The following MARCHF10 variants were observed in gnomAD, a reference collection of about 807,000 sequenced individuals.
MARCHF10 encodes membrane associated ring-CH-type finger 10.
A neutral mutation model predicts 76.2 loss-of-function variants in MARCHF10; 64 were observed. That is an observed-to-expected ratio of 0.84 (90% CI 0.69 to 1.03). The LOEUF (loss-of-function observed/expected upper bound fraction) is 1.03, where lower values mean the gene tolerates loss of function less well. Among genes scored for constraint, MARCHF10 ranks in the 50% least tolerant of loss-of-function variants. The probability of loss-of-function intolerance (pLI) is 0.00; values close to 1 mark genes in which losing one functional copy is unlikely to be tolerated. For missense variants in MARCHF10, 875 were observed against 958.0 expected, an observed-to-expected ratio of 0.91 and a Z score of 1.14; for synonymous variants, 340 against 357.5, an observed-to-expected ratio of 0.95 and a Z score of 0.55.
chr17:62,708,911 C>G (rs990102959), intron 9 of MARCHF10, among the ~76,000 whole-genome samples: 2 of 152,206 alleles, frequency 1.3e-5, no homozygotes, highest in African/African-American at 4.8e-5. Flanking sequence ...GCAGGAAACC[C>G]CAGGAAGCCC....
chr17:62,722,952 CTTT>C (rs533155265), intron 7 of MARCHF10, among the ~76,000 whole-genome samples: 1 of 143,262 alleles, frequency 7.0e-6, no homozygotes, highest in Non-Finnish European at 1.5e-5. Flanking sequence ...GACTATTCAG[CTTT>C]TTTTTTTTTT....
intron 3 of MARCHF10, among the ~76,000 whole-genome samples, chr17:62,775,815 A>ATTAT (rs60005982): frequency 0.49 from 74,397 of 150,620 alleles, 19,882 homozygotes; most frequent in East Asian, 0.7. Context: ...CGTCTTTTCA[A>ATTAT]TTATTTATTT....
In MARCHF10 at chr17:62,736,026, A is replaced by G. The variant is rs762727071; in HGVS notation, c.1842T>C (p.Asp614=). 2 of 1,614,080 alleles carry G rather than the reference A, an allele frequency of 1.2e-6. No individual in the cohort carries two copies. The highest frequency in any genetic ancestry group is 2.2e-5 in the South Asian group (2 of 91,080). The change falls in exon 6 of 11, where the codon GAT becomes GAC. Residue 614 remains aspartate, a synonymous_variant. Coordinates refer to ENST00000311269, the MANE Select transcript of MARCHF10 (RefSeq NM_152598.4). ...FAVSHFPNQN[D]NGSRMAASGF... ...CAGAGGCTGCCATCCTGCTCCCATTATCATTTTGATTTGGGAAATGAGACA... is the reference window on the plus strand; with the variant it reads ...CAGAGGCTGCCATCCTGCTCCCATTGTCATTTTGATTTGGGAAATGAGACA...
intron 5 of MARCHF10, among the ~76,000 whole-genome samples, chr17:62,739,776 T>C (rs73992043): frequency 0.016 from 2,429 of 152,244 alleles, 55 homozygotes; most frequent in African/African-American, 0.054. Flanking sequence ...TGAACGCACA[T>C]GACCCATCCC....
In MARCHF10 at chr17:62,756,056, C is replaced by T. The variant is rs531199534; in HGVS notation, c.382+3779G>A. On this transcript the variant is annotated intron_variant, in intron 4 of 10. Transcript: ENST00000311269. ...CTGAGGTCGGGAGTTCAAGACCAGC[C>T]TGACCAACATGGAGAAACCCTGTCT... is the stretch of plus-strand genomic sequence containing the variant. Among the ~76,000 whole-genome samples, 6 of 152,308 alleles carry T rather than the reference C, an allele frequency of 3.9e-5. No individual in the cohort carries two copies. In the South Asian group the frequency reaches 1.2e-3, roughly 32 times the overall value.
At chr17:62,722,439 C>G in intron 8 of MARCHF10, 49 bp downstream of exon 8, 1 of 1,319,554 alleles carries the variant, frequency 7.6e-7, no homozygotes, top group Non-Finnish European at 1.1e-6. Context: ...CTCGCCCTGC[C>G]CCTCTAACAT....
chr17:62,805,847 G>A (rs540668224), intron 1 of MARCHF10, among the ~76,000 whole-genome samples: 2 of 151,718 alleles, frequency 1.3e-5, no homozygotes, highest in Non-Finnish European at 2.9e-5. Context: ...GGAAGGCGGA[G>A]GTTGCAGTGA....
At chr17:62,726,531 A>T (rs537473761) in intron 6 of MARCHF10, among the ~76,000 whole-genome samples, 106 of 152,374 alleles carry the variant, frequency 7.0e-4, no homozygotes, top group Middle Eastern at 6.8e-3. Context: ...CAGGAAGAAC[A>T]TGTGTACATG....
chr17:62,736,586 C>T lies in MARCHF10; in HGVS notation c.1282G>A (p.Glu428Lys). ...GAATCATGGGTGCCAGGCCTATGTT[C>T]CACAGAAATACAATCACTCCATACA... Reference protein sequence around the residue: ...ENVWSDCISVEHRPGTHDSEG... With the variant: ...ENVWSDCISVKHRPGTHDSEG... Residue 428 changes from glutamate to lysine, a missense_variant, in exon 6 of 11, where the codon GAA (glutamate) becomes AAA (lysine). Coordinates refer to ENST00000311269, the MANE Select transcript of MARCHF10 (RefSeq NM_152598.4). The T allele has an allele frequency of 6.2e-7, 1 of 1,614,184 alleles. No individual in the cohort carries two copies.
At chr17:62,775,978 T>C (rs2092548209) in intron 3 of MARCHF10, among the ~76,000 whole-genome samples, 1 of 151,912 alleles carries the variant, frequency 6.6e-6, no homozygotes, top group African/African-American at 2.4e-5. Context: ...TTAAATCTTT[T>C]GTAATGATGA....
At chr17:62,775,517 C>T (rs1469168275) in intron 3 of MARCHF10, among the ~76,000 whole-genome samples, 2 of 145,264 alleles carry the variant, frequency 1.4e-5, no homozygotes, top group East Asian at 2.0e-4. Context: ...CGGGGGGGGG[C>T]GTGGCTTATT....
intron 5 of MARCHF10, among the ~76,000 whole-genome samples, chr17:62,740,077 T>TGC (rs1340811437): frequency 4.4e-4 from 39 of 88,464 alleles, no homozygotes; most frequent in African/African-American, 1.3e-3. Context: ...TGTGTGTGTG[T>TGC]GTGTGCGTGT....
chr17:62,801,577 G>T, intron 2 of MARCHF10, 69 bp downstream of exon 2: 2 of 1,308,966 alleles, frequency 1.5e-6, no homozygotes, highest in Non-Finnish European at 2.2e-6. Context: ...ATACGTTGAT[G>T]CTGTATTCTG....
intron 8 of MARCHF10, among the ~76,000 whole-genome samples, chr17:62,721,787 T>C (rs114971177): frequency 0.014 from 2,170 of 152,266 alleles, 69 homozygotes; most frequent in African/African-American, 0.05. Flanking sequence ...TTCCTTCTTA[T>C]CCCAGGGTTA....
chr17:62,751,154 ACCT>A (rs2091886315), intron 4 of MARCHF10, among the ~76,000 whole-genome samples: 1 of 152,210 alleles, frequency 6.6e-6, no homozygotes, highest in Non-Finnish European at 1.5e-5. Context: ...CAAACTGCTA[ACCT>A]CGCTGGAGGC....
At chr17:62,725,676 A>G (rs565851347) in intron 6 of MARCHF10, among the ~76,000 whole-genome samples, 1 of 152,352 alleles carries the variant, frequency 6.6e-6, no homozygotes, top group East Asian at 1.9e-4. Context: ...TGGCTACAGA[A>G]TCATTTTCAA....
intron 6 of MARCHF10, among the ~76,000 whole-genome samples, chr17:62,728,429 G>A (rs780806139): frequency 6.6e-6 from 1 of 152,196 alleles, no homozygotes; most frequent in Non-Finnish European, 1.5e-5. Flanking sequence ...AATTGCCGGG[G>A]ACAGCGTGCT....
intron 2 of MARCHF10, among the ~76,000 whole-genome samples, chr17:62,789,084 A>C (rs1261091385): frequency 2.7e-5 from 4 of 150,694 alleles, no homozygotes; most frequent in African/African-American, 9.7e-5. Context: ...AAAAAAAAAA[A>C]AAAAAAAAAA....
intron 9 of MARCHF10, among the ~76,000 whole-genome samples, chr17:62,709,508 A>C (rs2089794745): frequency 6.6e-6 from 1 of 152,074 alleles, no homozygotes. Flanking sequence ...AAACAAAAAA[A>C]ACGAGGCATC....
Sources: allele counts gnomAD v4.1 joint callset (sites outside exome capture counted in the v4.1 genomes callset), GRCh38; gene constraint gnomAD v4.1.1; transcripts MANE v1.5; gene names NCBI Gene and HGNC (gene_info 2026-07-23, HGNC 2026-07-21).